Variants in PKIB observed in about 807,000 individuals in gnomAD.
The protein encoded by PKIB is cAMP-dependent protein kinase inhibitor beta, also known as PKI-beta.
Under a neutral mutation model 4.5 loss-of-function variants are expected in PKIB, and 2 were observed. The observed-to-expected ratio is 0.44, with a 90% CI of 0.18 to 1.39. The LOEUF (loss-of-function observed/expected upper bound fraction) is 1.39. Ranked by LOEUF, PKIB falls within the 40% of genes most tolerant of loss-of-function variation. The pLI is 0.27. For missense variants in PKIB, 94 were observed against 92.6 expected (o/e 1.02, Z -0.06); for synonymous variants, 38 against 36.0 (o/e 1.06, Z -0.20).
chr6:122,508,709 G>T (rs1228292920), intron 2 of PKIB, among the ~76,000 whole-genome samples: 1 of 152,000 alleles, frequency 6.6e-6, no homozygotes, highest in African/African-American at 2.4e-5. Flanking sequence ...TGAGTAGCTT[G>T]TACAACATAA....
chr6:122,633,182 T>C (rs542562534), intron 1 of PKIB, 101 bp from the exon 2 acceptor site: 66 of 152,320 alleles, frequency 4.3e-4, no homozygotes, highest in Admixed American at 2.8e-3. Context: ...GTCACTAAGT[T>C]AGACTTTTTT....
At chr6:122,563,516 C>G (rs1327623562) in intron 2 of PKIB, among the ~76,000 whole-genome samples, 1 of 151,962 alleles carries the variant, frequency 6.6e-6, no homozygotes, top group Non-Finnish European at 1.5e-5. Flanking sequence ...GGGTGGGGCC[C>G]TAGATCTCCC....
intron 2 of PKIB, among the ~76,000 whole-genome samples, chr6:122,653,195 A>C (rs1350402517): frequency 6.6e-6 from 1 of 152,192 alleles, no homozygotes. Flanking sequence ...AAAATGTACT[A>C]AAAAGAAAAT....
chr6:122,531,815 G>A (rs923194566), intron 2 of PKIB, among the ~76,000 whole-genome samples: 2 of 152,138 alleles, frequency 1.3e-5, no homozygotes, highest in African/African-American at 2.4e-5. Context: ...AATTTATACC[G>A]TTAATCTTTG....
At chr6:122,586,963 A>G (rs1484689305) in intron 3 of PKIB, among the ~76,000 whole-genome samples, 5 of 152,144 alleles carry the variant, frequency 3.3e-5, no homozygotes, top group African/African-American at 1.2e-4. Context: ...CCAGTATATA[A>G]TGTTTGCAGA....
chr6:122,489,537 G>A (rs1222312276), intron 2 of PKIB, among the ~76,000 whole-genome samples: 1 of 152,156 alleles, frequency 6.6e-6, no homozygotes, highest in African/African-American at 2.4e-5. Flanking sequence ...CATGAGCCTG[G>A]CCAAAACAGT....
chr6:122,547,009 C>T (rs1263974290), intron 2 of PKIB, among the ~76,000 whole-genome samples: 1 of 152,052 alleles, frequency 6.6e-6, no homozygotes, highest in Non-Finnish European at 1.5e-5. Flanking sequence ...TTACTTTTGA[C>T]CCATACAGGT....
intron 2 of PKIB, among the ~76,000 whole-genome samples, chr6:122,671,816 A>G (rs1273882822): frequency 6.6e-6 from 1 of 152,192 alleles, no homozygotes; most frequent in African/African-American, 2.4e-5. Context: ...CAGACCTGAT[A>G]GATTCTTCTC....
chr6:122,577,042 G>A (rs951852050), intron 2 of PKIB, among the ~76,000 whole-genome samples: 3 of 151,992 alleles, frequency 2.0e-5, no homozygotes, highest in Non-Finnish European at 4.4e-5. Context: ...CAGGGACTGC[G>A]CCATACATGA....
At chr6:122,622,177 A>T in intron 1 of PKIB, among the ~76,000 whole-genome samples, 1 of 152,220 alleles carries the variant, frequency 6.6e-6, no homozygotes, top group Admixed American at 6.5e-5. Context: ...CATAAGAATC[A>T]TGTGATTTAA....
chr6:122,626,113 C>T (rs994323279), intron 1 of PKIB, among the ~76,000 whole-genome samples: 1 of 151,416 alleles, frequency 6.6e-6, no homozygotes, highest in African/African-American at 2.4e-5. Context: ...GATTAGAAGT[C>T]AATGAAATGA....
At chr6:122,652,292 TTGTGTGTGTGTGTGTGTGTGTGTG>T (rs66695664) in intron 2 of PKIB, among the ~76,000 whole-genome samples, 1 of 141,946 alleles carries the variant, frequency 7.0e-6, no homozygotes, top group African/African-American at 2.7e-5. Flanking sequence ...ATATGTTGGT[TTGTGTGTGTGTGTGTGTGTGTGTG>T]TGTGTGTGTG....
At chr6:122,651,123 C>G (rs1463983331) in intron 2 of PKIB, among the ~76,000 whole-genome samples, 1 of 152,148 alleles carries the variant, frequency 6.6e-6, no homozygotes, top group Non-Finnish European at 1.5e-5. Flanking sequence ...GGAATCATTA[C>G]CCCTGCATCC....
At chr6:122,574,208 A>G (rs1455549547) in intron 2 of PKIB, among the ~76,000 whole-genome samples, 1 of 152,216 alleles carries the variant, frequency 6.6e-6, no homozygotes, top group Non-Finnish European at 1.5e-5. Context: ...AAATCTAGGA[A>G]TATCCTTAAC....
intron 3 of PKIB, among the ~76,000 whole-genome samples, chr6:122,713,409 T>A (rs1779350147): frequency 6.6e-6 from 1 of 152,174 alleles, no homozygotes; most frequent in African/African-American, 2.4e-5. Flanking sequence ...GAAAAGACCC[T>A]CAAGTTAATC....
At chr6:122,487,561 T>C (rs1461800409) in intron 2 of PKIB, among the ~76,000 whole-genome samples, 1 of 152,196 alleles carries the variant, frequency 6.6e-6, no homozygotes, top group African/African-American at 2.4e-5. Context: ...AACTAGCGCT[T>C]CTACCATGTG....
Position 122,725,733 on chromosome 6 carries a change from A to G in PKIB, c.*538A>G, listed in dbSNP as rs1476051124. The G allele has an allele frequency of 6.6e-6, 1 of 152,254 alleles. No homozygotes were observed. Among genetic ancestry groups the G allele is most frequent in the African/African-American group, 2.4e-5 (1 of 41,462 alleles). The allele number at this position is 152,254 out of a possible 1,614,324, so 9.4% of individuals were successfully genotyped here. A position where few individuals can be genotyped will look rare whatever the true frequency, so the allele number is the denominator to read the frequency against. Reference sequence around the variant, plus strand: ...CTCAAAAACGTCTTGGAAAAATTGTAAAAGTTTGATAACAGAAACATCTTT... The same window carrying G: ...CTCAAAAACGTCTTGGAAAAATTGTGAAAGTTTGATAACAGAAACATCTTT... On this transcript the variant is annotated 3_prime_UTR_variant, in exon 5 of 5. Transcript: ENST00000368452.
intron 2 of PKIB, among the ~76,000 whole-genome samples, chr6:122,572,101 A>T (rs1045859109): frequency 3.3e-5 from 5 of 152,152 alleles, no homozygotes; most frequent in African/African-American, 1.2e-4. Context: ...GGGTGGAAGA[A>T]GGTATTCCAC....
intron 2 of PKIB, among the ~76,000 whole-genome samples, chr6:122,549,397 TTATACTG>T (rs1422941390): frequency 4.6e-5 from 7 of 152,218 alleles, no homozygotes; most frequent in Non-Finnish European, 8.8e-5. Context: ...ATGCTACAAT[TTATACTG>T]TATATCTAGC....
Sources: allele counts gnomAD v4.1 joint callset (sites outside exome capture counted in the v4.1 genomes callset), GRCh38; gene constraint gnomAD v4.1.1; transcripts MANE v1.5; gene names NCBI Gene and HGNC (gene_info 2026-07-23, HGNC 2026-07-21).